Variants in FUT8 observed in about 807,000 individuals in gnomAD.
FUT8 encodes the protein fucosyltransferase 8.
FUT8 carries 29 observed loss-of-function variants against 71.3 expected under a neutral mutation model. That is an observed-to-expected ratio of 0.41 (90% CI 0.30 to 0.55). The LOEUF (loss-of-function observed/expected upper bound fraction) is 0.55. Ranked by LOEUF, FUT8 falls within the 20% of genes least tolerant of loss-of-function variation. The pLI is 0.34. For synonymous variants in FUT8, 254 were observed against 239.3 expected, an observed-to-expected ratio of 1.06 and a Z score of -0.57; for missense variants, 544 against 702.1, an observed-to-expected ratio of 0.77 and a Z score of 2.55.
At chr14:65,573,304 T>G (rs1300960947) in intron 3 of FUT8, among the ~76,000 whole-genome samples, 1 of 152,072 alleles carries the variant, frequency 6.6e-6, no homozygotes, top group Non-Finnish European at 1.5e-5. Flanking sequence ...GCTTTCTCAT[T>G]AGGAGTCATA....
the FUT8 span, among the ~76,000 whole-genome samples, chr14:65,403,419 G>T: frequency 6.6e-6 from 1 of 152,164 alleles, no homozygotes; most frequent in Non-Finnish European, 1.5e-5. Flanking sequence ...AGAAGATCCT[G>T]ACTAACCAGA....
intron 3 of FUT8, among the ~76,000 whole-genome samples, chr14:65,568,178 AT>A (rs1181797019): frequency 6.6e-6 from 1 of 151,616 alleles, no homozygotes; most frequent in East Asian, 1.9e-4. Flanking sequence ...TGTTCATTTT[AT>A]CAGCATGTTC....
chr14:65,722,069 G>T (rs749769339), intron 8 of FUT8, 48 bp downstream of exon 8: 3 of 1,592,820 alleles, frequency 1.9e-6, no homozygotes, highest in Middle Eastern at 1.8e-4. Context: ...AGTAGTTAGG[G>T]TTATGTATCT....
intron 7 of FUT8, among the ~76,000 whole-genome samples, chr14:65,677,152 G>GTGTGCGTGCGCGCGCGCGCGCA (rs1555383261): frequency 3.4e-5 from 2 of 59,480 alleles, no homozygotes; most frequent in South Asian, 8.3e-4. Context: ...GTGTGTGTGT[G>GTGTGCGTGCGCGCGCGCGCGCA]CGCGCGCGCA....
intron 2 of FUT8, among the ~76,000 whole-genome samples, 182 bp from the exon 3 acceptor site, chr14:65,561,155 A>G (rs974724400): frequency 1.3e-5 from 2 of 152,186 alleles, no homozygotes; most frequent in African/African-American, 4.8e-5. Context: ...ACTAATGTAC[A>G]TGGCTGATTT....
intron 6 of FUT8, among the ~76,000 whole-genome samples, chr14:65,631,403 C>T (rs1890174720): frequency 6.6e-6 from 1 of 151,928 alleles, no homozygotes; most frequent in African/African-American, 2.4e-5. Flanking sequence ...TTGTGGGTGG[C>T]CAAGTGCTTT....
chr14:65,512,043 A>G (rs1442873695), intron 2 of FUT8, among the ~76,000 whole-genome samples: 1 of 152,184 alleles, frequency 6.6e-6, no homozygotes, highest in Non-Finnish European at 1.5e-5. Context: ...GGTATAGCCT[A>G]TTGCTTCTAG....
intron 10 of FUT8, among the ~76,000 whole-genome samples, chr14:65,734,008 T>A (rs911091746): frequency 5.3e-5 from 8 of 152,180 alleles, no homozygotes; most frequent in Non-Finnish European, 1.0e-4. Context: ...CTGTGGAATA[T>A]CAGGATAACA....
At chr14:65,586,865 C>T (rs2140128763) in intron 3 of FUT8, among the ~76,000 whole-genome samples, 1 of 152,194 alleles carries the variant, frequency 6.6e-6, no homozygotes, top group Admixed American at 6.5e-5. Flanking sequence ...GGGGTTTTCC[C>T]CCCTACACGT....
chr14:65,404,243 C>T, the FUT8 span, among the ~76,000 whole-genome samples: 1 of 151,616 alleles, frequency 6.6e-6, no homozygotes. Context: ...GTGATCTCGG[C>T]TCACTGCAAC....
chr14:65,674,847 G>A (rs1892635965), intron 7 of FUT8, among the ~76,000 whole-genome samples: 1 of 152,152 alleles, frequency 6.6e-6, no homozygotes, highest in Admixed American at 6.5e-5. Context: ...ACCACATATA[G>A]TTGAAAAGCT....
At chr14:65,434,135 G>A (rs2065519028) in intron 1 of FUT8, among the ~76,000 whole-genome samples, 1 of 152,154 alleles carries the variant, frequency 6.6e-6, no homozygotes, top group Non-Finnish European at 1.5e-5. Flanking sequence ...AAAATGGGAA[G>A]CATTAAAAAC....
At chr14:65,709,236 G>A (rs796600338) in intron 7 of FUT8, among the ~76,000 whole-genome samples, 10 of 152,194 alleles carry the variant, frequency 6.6e-5, no homozygotes, top group East Asian at 1.9e-4. Flanking sequence ...GATCTTGGCC[G>A]TTTTATTAAC....
chr14:65,603,050 C>T lies in FUT8; in HGVS notation c.204-12928C>T, dbSNP rs1436883865. Among the ~76,000 whole-genome samples the T allele has an allele frequency of 2.6e-5, 4 of 151,758 alleles. No individual in the cohort carries two copies. The highest frequency in any genetic ancestry group is 7.2e-5 in the African/African-American group (3 of 41,382). On this transcript the variant is annotated intron_variant, in intron 3 of 10. Transcript: ENST00000673929. This position sits in a 1 kb window ranked among gnomAD's most constrained non-coding sequence, Gnocchi z 4.5. ...TTGTTACGTTTGCTTTTGAAGTCTT[C>T]GCCTAAGCCAATGTCTAGAAGGATT...
At chr14:65,646,628 T>C (rs1226120386) in intron 6 of FUT8, 1 of 152,186 alleles carries the variant, frequency 6.6e-6, no homozygotes, top group African/African-American at 2.4e-5. Flanking sequence ...GGTGTGAGTG[T>C]TGGTTATGGC....
chr14:65,633,004 T>TCCCCCCCCCCCCCCC (rs376298224), intron 6 of FUT8, among the ~76,000 whole-genome samples: 8 of 78,016 alleles, frequency 1.0e-4, no homozygotes, highest in East Asian at 3.8e-4. Context: ...CCCTCTCCCC[T>TCCCCCCCCCCCCCCC]CCCCCCCCCC....
Position 65,742,342 on chromosome 14 carries a change from C to T in FUT8, c.1660C>T (p.Pro554Ser), listed in dbSNP as rs1896545521. 1 of 1,612,790 alleles carries T rather than the reference C, an allele frequency of 6.2e-7. No individual in the cohort carries two copies. Among genetic ancestry groups the T allele is most frequent in the Non-Finnish European group, 8.5e-7 (1 of 1,179,226 alleles). Residue 554 changes from proline (P) to serine (S), a missense_variant, in exon 11 of 11, where the codon CCC (proline) becomes TCC (serine). Pro to Ser is a moderately conservative substitution (Grantham distance 74). Transcript: ENST00000673929. ...NRKLGRTGLY[P>S]SYKVREKIET... ...GAAATTGGGAAGGACGGGCCTATAT[C>T]CCTCCTACAAAGTTCGAGAGAAGAT...
At chr14:65,465,893 G>A (rs532501250) in intron 2 of FUT8, among the ~76,000 whole-genome samples, 1 of 152,258 alleles carries the variant, frequency 6.6e-6, no homozygotes, top group South Asian at 2.1e-4. Flanking sequence ...TTGAATTCAT[G>A]TGTTTCTCCT....
At chr14:65,554,434 T>A (rs1403235733) in intron 2 of FUT8, among the ~76,000 whole-genome samples, 1 of 20,242 alleles carries the variant, frequency 4.9e-5, no homozygotes, top group Admixed American at 4.3e-4. Context: ...ATATATATAT[T>A]ATATATATAT....
Sources: allele counts gnomAD v4.1 joint callset (sites outside exome capture counted in the v4.1 genomes callset), GRCh38; gene constraint gnomAD v4.1.1; non-coding constraint Gnocchi (gnomAD v3.1); transcripts MANE v1.5; gene names NCBI Gene and HGNC (gene_info 2026-07-23, HGNC 2026-07-21).